BAIAP2: variants seen among roughly 807,000 people sequenced by gnomAD.
BAIAP2 encodes BAR/IMD domain containing adaptor protein 2, also known as BAR/IMD domain-containing adapter protein 2.
Under a neutral mutation model 63.0 loss-of-function variants are expected in BAIAP2, and 18 were observed. The observed-to-expected ratio is 0.29, with a 90% CI of 0.20 to 0.42. The LOEUF is 0.42. Among genes scored for constraint, BAIAP2 ranks in the 10% least tolerant of loss-of-function variants. The pLI is 1.00. For synonymous variants in BAIAP2, 386 were observed against 307.6 expected (o/e 1.25, Z -2.67); for missense variants, 610 against 734.3 (o/e 0.83, Z 1.96).
Position 81,094,371 on chromosome 17 carries a change from C to T in BAIAP2, c.490-5557C>T, listed in dbSNP as rs138923832. Among the ~76,000 whole-genome samples the T allele has an allele frequency of 6.0e-4, 92 of 152,294 alleles. No individual in the cohort carries two copies. The East Asian group carries it at 8.9e-3, about 15-fold the overall frequency. ...TCTGTTGGGACCTGTTGTTCCTGGG[C>T]ACCCCTTGCCAATCTGCTGAAAGCT... On this transcript the variant is annotated intron_variant, in intron 6 of 13. Transcript: ENST00000428708.
chr17:81,099,595 G>A (rs554661422), intron 6 of BAIAP2, among the ~76,000 whole-genome samples: 7 of 152,232 alleles, frequency 4.6e-5, no homozygotes, highest in Admixed American at 3.9e-4. Context: ...GGAGGTGCAC[G>A]CGACCCCACC....
chr17:81,044,691 C>CA (rs1264280850), intron 1 of BAIAP2, among the ~76,000 whole-genome samples: 1 of 152,222 alleles, frequency 6.6e-6, no homozygotes, highest in African/African-American at 2.4e-5. Context: ...TGGAGGTGAC[C>CA]ACCTGTCTGT....
At chr17:81,065,803 G>A (rs1378144261) in intron 3 of BAIAP2, among the ~76,000 whole-genome samples, 3 of 152,222 alleles carry the variant, frequency 2.0e-5, no homozygotes, top group Non-Finnish European at 2.9e-5. Context: ...CTCTAGCACT[G>A]TGTGCCAGAA....
intron 3 of BAIAP2, among the ~76,000 whole-genome samples, chr17:81,059,191 G>C (rs773122624): frequency 1.3e-5 from 2 of 152,260 alleles, no homozygotes; most frequent in Non-Finnish European, 2.9e-5. Context: ...TGCAGGTCTG[G>C]TGATGCCCGG....
At chr17:81,077,704 C>G (rs1345369927) in intron 3 of BAIAP2, among the ~76,000 whole-genome samples, 1 of 152,228 alleles carries the variant, frequency 6.6e-6, no homozygotes, top group Non-Finnish European at 1.5e-5. Context: ...ATGCGGGTGG[C>G]TGTGGGAGCG....
At chr17:81,085,154 G>T in intron 4 of BAIAP2, 2 of 557,896 alleles carry the variant, frequency 3.6e-6, no homozygotes, top group Admixed American at 6.2e-5. Flanking sequence ...AGTCCTGATC[G>T]CAGCCCCAGC....
chr17:81,037,801 T>G (rs1404500274), intron 1 of BAIAP2, among the ~76,000 whole-genome samples: 1 of 152,288 alleles, frequency 6.6e-6, no homozygotes, highest in Non-Finnish European at 1.5e-5. Context: ...ACTGCAGTTC[T>G]GAGTGGTGTT....
At chr17:81,076,144 G>A (rs1488008703) in intron 3 of BAIAP2, 3 of 152,194 alleles carry the variant, frequency 2.0e-5, no homozygotes, top group African/African-American at 4.8e-5. Context: ...CGAGTCTCAG[G>A]TCCTGCCGGG....
chr17:81,055,613 C>T (rs558474386), intron 2 of BAIAP2, among the ~76,000 whole-genome samples: 18 of 94,212 alleles, frequency 1.9e-4, no homozygotes, highest in Admixed American at 4.1e-4. Context: ...TTGCCCAGGC[C>T]AGACTGCAGT....
At chr17:81,114,331 C>T (rs2060268098) in intron 13 of BAIAP2, among the ~76,000 whole-genome samples, 1 of 151,950 alleles carries the variant, frequency 6.6e-6, no homozygotes, top group African/African-American at 2.4e-5. Flanking sequence ...CGGAGGAACT[C>T]GGGCCACAGA....
Position 81,103,919 on chromosome 17 carries a change from C to T in BAIAP2, c.877C>T (p.Gln293Ter). 1 of 1,612,978 alleles carries T rather than the reference C, an allele frequency of 6.2e-7. No homozygotes were observed. The highest frequency in any genetic ancestry group is 8.5e-7 in the Non-Finnish European group (1 of 1,180,014). ...LAPFVGRMSA[Q>*]ESTPIMNGVT... The stretch of plus-strand genomic sequence containing the variant: ...TGCTTCCCTGCAGCGGATGTCTGCC[C>T]AGGAGAGCACACCCATCATGAACGG... The change falls in exon 9 of 14, where the codon CAG (glutamine) becomes TAG (stop). Residue 293 changes from glutamine (Q) to a stop codon, truncating the protein, a stop_gained. Coordinates refer to ENST00000428708, the MANE Select transcript of BAIAP2 (RefSeq NM_001144888.2). LOFTEE classifies it high-confidence loss of function.
intron 2 of BAIAP2, among the ~76,000 whole-genome samples, chr17:81,055,589 G>A (rs193094767): frequency 3.3e-3 from 10 of 2,988 alleles, no homozygotes; most frequent in African/African-American, 4.9e-3. Context: ...TTTTTGAGAC[G>A]GAGTCTCACT....
intron 7 of BAIAP2, among the ~76,000 whole-genome samples, chr17:81,100,470 C>G (rs951382483): frequency 3.3e-5 from 5 of 152,122 alleles, no homozygotes; most frequent in Non-Finnish European, 7.4e-5. Context: ...TGGGTGGCCT[C>G]TGTGTCCTCA....
chr17:81,065,625 G>A (rs2051328575), intron 3 of BAIAP2, among the ~76,000 whole-genome samples: 1 of 152,214 alleles, frequency 6.6e-6, no homozygotes. Flanking sequence ...CCTTGCTGCT[G>A]ACAGCTGCCT....
At chr17:81,058,067 G>A (rs2049925801) in intron 3 of BAIAP2, 100 bp downstream of exon 3, 3 of 961,352 alleles carry the variant, frequency 3.1e-6, no homozygotes, top group Non-Finnish European at 4.5e-6. Flanking sequence ...TTGGGATCAG[G>A]TTTTGCCTGT....
chr17:81,044,737 T>G (rs1172994499), intron 1 of BAIAP2, among the ~76,000 whole-genome samples: 1 of 152,222 alleles, frequency 6.6e-6, no homozygotes, highest in Non-Finnish European at 1.5e-5. Context: ...TATGATGGTT[T>G]TCCCTTCCAA....
At chr17:81,069,696 A>C in intron 3 of BAIAP2, among the ~76,000 whole-genome samples, 2 of 148,168 alleles carry the variant, frequency 1.3e-5, no homozygotes, top group Non-Finnish European at 1.5e-5. Context: ...CACTCGGGGG[A>C]CTCTCCCCCG....
intron 3 of BAIAP2, among the ~76,000 whole-genome samples, chr17:81,063,576 T>C (rs774615144): frequency 5.9e-5 from 9 of 152,184 alleles, no homozygotes; most frequent in Non-Finnish European, 1.2e-4. Context: ...GAGGCGTTCG[T>C]CTCACTCCCC....
intron 1 of BAIAP2, among the ~76,000 whole-genome samples, chr17:81,049,035 C>A (rs1012038493): frequency 2.0e-5 from 3 of 152,238 alleles, no homozygotes; most frequent in Admixed American, 6.5e-5. Context: ...AAGGTGTTCC[C>A]TGGTCAATAG....
Sources: allele counts gnomAD v4.1 joint callset (sites outside exome capture counted in the v4.1 genomes callset), GRCh38; gene constraint gnomAD v4.1.1; transcripts MANE v1.5; gene names NCBI Gene and HGNC (gene_info 2026-07-23, HGNC 2026-07-21).